The following EPHB1 variants were observed in gnomAD, a reference collection of about 807,000 sequenced individuals.
The protein encoded by EPHB1 is ephrin type-B receptor 1.
A neutral mutation model predicts 94.4 loss-of-function variants in EPHB1; 30 were observed. The observed-to-expected ratio is 0.32, with a 90% CI of 0.24 to 0.43. EPHB1 has a LOEUF of 0.43. EPHB1 is among the 20% of genes least tolerant of loss of function. The pLI is 1.00. For synonymous variants in EPHB1, 522 were observed against 489.1 expected, an observed-to-expected ratio of 1.07 and a Z score of -0.89; for missense variants, 1,055 against 1,308.3, an observed-to-expected ratio of 0.81 and a Z score of 2.99.
At chr3:135,085,493 T>C (rs1270010501) in intron 3 of EPHB1, among the ~76,000 whole-genome samples, 1 of 152,236 alleles carries the variant, frequency 6.6e-6, no homozygotes, top group East Asian at 1.9e-4. Context: ...TCACCCACCT[T>C]GGAGCCCAGG....
intron 5 of EPHB1, among the ~76,000 whole-genome samples, chr3:135,149,007 A>C (rs776059654): frequency 1.2e-4 from 18 of 152,128 alleles, no homozygotes; most frequent in Non-Finnish European, 2.4e-4. Context: ...TTGCTCTCCT[A>C]TTTGGGTGCC....
chr3:135,254,422 A>C (rs1441394329), intron 15 of EPHB1, among the ~76,000 whole-genome samples: 2 of 118,376 alleles, frequency 1.7e-5, no homozygotes, highest in Non-Finnish European at 3.5e-5. Context: ...TTTTAGCATG[A>C]AGGGTTGTTG....
At chr3:135,003,274 T>A (rs1935256839) in intron 3 of EPHB1, among the ~76,000 whole-genome samples, 1 of 151,880 alleles carries the variant, frequency 6.6e-6, no homozygotes, top group South Asian at 2.1e-4. Flanking sequence ...CGGTTTTGAG[T>A]GAGATTCTTA....
intron 10 of EPHB1, 99 bp downstream of exon 10, chr3:135,180,081 G>T (rs1942114208): frequency 6.5e-6 from 9 of 1,391,534 alleles, no homozygotes; most frequent in Non-Finnish European, 8.9e-6. Flanking sequence ...GCCCCATTAG[G>T]AGGAGAGCTT....
intron 1 of EPHB1, among the ~76,000 whole-genome samples, chr3:134,857,531 C>T (rs1306309677): frequency 6.6e-6 from 1 of 152,126 alleles, no homozygotes; most frequent in Non-Finnish European, 1.5e-5. Flanking sequence ...GTGCAGATTT[C>T]AGTTTGGCAT....
intron 3 of EPHB1, among the ~76,000 whole-genome samples, chr3:134,962,609 C>A (rs1203329283): frequency 1.3e-5 from 2 of 152,180 alleles, no homozygotes; most frequent in Non-Finnish European, 2.9e-5. Flanking sequence ...TCTCCTTCTG[C>A]CCCTGGGCCT....
At chr3:134,804,024 C>T (rs1459347930) in intron 1 of EPHB1, among the ~76,000 whole-genome samples, 1 of 146,152 alleles carries the variant, frequency 6.8e-6, no homozygotes. Flanking sequence ...CATTGCCTTT[C>T]CCATGTGCCC....
chr3:135,012,184 A>T (rs1397477004), intron 3 of EPHB1, among the ~76,000 whole-genome samples: 2 of 152,216 alleles, frequency 1.3e-5, no homozygotes, highest in African/African-American at 4.8e-5. Context: ...TTACTGGGCA[A>T]TCAGGACTGT....
chr3:135,096,067 C>T (rs1208058142), intron 3 of EPHB1, among the ~76,000 whole-genome samples: 1 of 152,182 alleles, frequency 6.6e-6, no homozygotes, highest in Non-Finnish European at 1.5e-5. Flanking sequence ...CCTAGCACAC[C>T]TCCAAGTATA....
intron 3 of EPHB1, among the ~76,000 whole-genome samples, chr3:135,012,193 G>A (rs902839759): frequency 1.3e-5 from 2 of 152,218 alleles, no homozygotes; most frequent in Non-Finnish European, 2.9e-5. Flanking sequence ...AATCAGGACT[G>A]TCACTGCTCC....
At chr3:135,007,961 C>T (rs938703370) in intron 3 of EPHB1, among the ~76,000 whole-genome samples, 1 of 152,164 alleles carries the variant, frequency 6.6e-6, no homozygotes, top group Non-Finnish European at 1.5e-5. Flanking sequence ...AAGGGGATGG[C>T]CGAGGCCCCA....
chr3:134,862,563 C>G (rs2108304421), intron 1 of EPHB1, among the ~76,000 whole-genome samples: 1 of 151,128 alleles, frequency 6.6e-6, no homozygotes, highest in African/African-American at 2.4e-5. Flanking sequence ...AATCAAAACA[C>G]TAATTAAAAT....
rs538545877 is a variant in EPHB1, at chr3:134,846,447, C to T, written c.58+50758C>T. Reference sequence around the variant, plus strand: ...CAAGCCTTGCATTATTCCCTCCACGCACATCAGCAAGAGCATCGCGTGGGT... The same window carrying T: ...CAAGCCTTGCATTATTCCCTCCACGTACATCAGCAAGAGCATCGCGTGGGT... On this transcript the variant is annotated intron_variant, in intron 1 of 15. Coordinates refer to ENST00000398015, the MANE Select transcript of EPHB1 (RefSeq NM_004441.5). 7.9e-5 allele frequency among the ~76,000 whole-genome samples: 12 copies of T among 152,302 alleles called. No individual in the cohort carries two copies. In the South Asian group the frequency reaches 2.5e-3, roughly 32 times the overall value.
chr3:134,844,270 C>T (rs923915639), intron 1 of EPHB1, among the ~76,000 whole-genome samples: 1 of 152,224 alleles, frequency 6.6e-6, no homozygotes, highest in African/African-American at 2.4e-5. Context: ...GACTTGCATT[C>T]TCTGCCATTG....
At chr3:135,151,732 A>G (rs1412155213) in intron 5 of EPHB1, among the ~76,000 whole-genome samples, 1 of 152,208 alleles carries the variant, frequency 6.6e-6, no homozygotes, top group African/African-American at 2.4e-5. Context: ...TGCAGGCAAG[A>G]AAAAATACAC....
chr3:134,948,865 A>T (rs2039268085), intron 2 of EPHB1, among the ~76,000 whole-genome samples: 1 of 152,260 alleles, frequency 6.6e-6, no homozygotes, highest in Non-Finnish European at 1.5e-5. Flanking sequence ...CTAATATGCT[A>T]TGATATGCTA....
At chr3:135,006,486 T>C (rs1935420510) in intron 3 of EPHB1, among the ~76,000 whole-genome samples, 1 of 152,256 alleles carries the variant, frequency 6.6e-6, no homozygotes. Flanking sequence ...TTAGTTACAG[T>C]ATTTTGCACC....
At chr3:135,028,568 G>A (rs1936285040) in intron 3 of EPHB1, among the ~76,000 whole-genome samples, 1 of 146,246 alleles carries the variant, frequency 6.8e-6, no homozygotes, top group Non-Finnish European at 1.5e-5. Context: ...GTTCTAGTTT[G>A]ATTGCACTGT....
intron 2 of EPHB1, 113 bp downstream of exon 2, chr3:134,925,993 G>T: frequency 2.3e-6 from 2 of 870,364 alleles, no homozygotes; most frequent in South Asian, 2.0e-5. Flanking sequence ...GAATACAGGT[G>T]TGAATGGCTG....
Sources: allele counts gnomAD v4.1 joint callset (sites outside exome capture counted in the v4.1 genomes callset), GRCh38; gene constraint gnomAD v4.1.1; transcripts MANE v1.5; gene names NCBI Gene and HGNC (gene_info 2026-07-23, HGNC 2026-07-21).